The following RAB17 variants were observed in gnomAD, a reference collection of about 807,000 sequenced individuals.
The protein encoded by RAB17 is ras-related protein Rab-17.
A neutral mutation model predicts 19.3 loss-of-function variants in RAB17; 15 were observed. The ratio of observed to expected loss-of-function variants is 0.78; its 90% CI spans 0.52 to 1.20. RAB17 has a LOEUF of 1.20. Among genes scored for constraint, RAB17 ranks in the 50% most tolerant of loss-of-function variants. The probability of loss-of-function intolerance (pLI) is 0.00; values close to 1 mark genes in which losing one functional copy is unlikely to be tolerated. For synonymous variants in RAB17, 110 were observed against 112.8 expected, an observed-to-expected ratio of 0.97 and a Z score of 0.16; for missense variants, 262 against 269.3, an observed-to-expected ratio of 0.97 and a Z score of 0.19.
chr2:237,580,507 G>A (rs112810068), intron 2 of RAB17, among the ~76,000 whole-genome samples: 10,341 of 152,000 alleles, frequency 0.068, 516 homozygotes, highest in South Asian at 0.12. Context: ...TTGGGAGGCC[G>A]AGGTGGGTAG....
Position 237,575,248 on chromosome 2 carries a change from G to A in RAB17, c.530-120C>T, listed in dbSNP as rs1227432384. 2.9e-6 allele frequency: 3 copies of A among 1,030,448 alleles called. No individual in the cohort carries two copies. The East Asian group carries it at 7.7e-5, about 26-fold the overall frequency. 63.8% of individuals were successfully genotyped at this position (1,030,448 alleles called of 1,614,324 possible). On this transcript the variant is annotated intron_variant, in intron 5 of 5. Coordinates refer to ENST00000264601, the MANE Select transcript of RAB17 (RefSeq NM_022449.4). Reference sequence around the variant, plus strand: ...GTGTTTACCCTGAACCATAGAACAAGGGCCTCCTGCCCCTCCTGGTCACCA... The same window carrying A: ...GTGTTTACCCTGAACCATAGAACAAAGGCCTCCTGCCCCTCCTGGTCACCA...
chr2:237,588,873 G>A (rs952127698), intron 1 of RAB17, among the ~76,000 whole-genome samples: 2 of 152,214 alleles, frequency 1.3e-5, no homozygotes, highest in Non-Finnish European at 2.9e-5. Context: ...CATGACCACT[G>A]GGATGCCGGC....
intron 1 of RAB17, among the ~76,000 whole-genome samples, chr2:237,588,488 G>A (rs1158898116): frequency 4.6e-5 from 7 of 152,162 alleles, no homozygotes; most frequent in Admixed American, 6.5e-5. Context: ...CAGATGATCC[G>A]CTCAAGTCAG....
intron 4 of RAB17, among the ~76,000 whole-genome samples, chr2:237,576,372 C>CAA (rs1443737789): frequency 1.3e-5 from 2 of 152,152 alleles, no homozygotes; most frequent in East Asian, 3.9e-4. Flanking sequence ...TGTGCCTGCC[C>CAA]AAGCACACAG....
chr2:237,581,437 T>C (rs182703682), intron 2 of RAB17, among the ~76,000 whole-genome samples: 97 of 152,148 alleles, frequency 6.4e-4, no homozygotes, highest in Non-Finnish European at 7.8e-4. Context: ...ATTTTTTTAG[T>C]AGAGACACGG....
rs991949098 is a variant in RAB17 at position 237,577,935 on chromosome 2, T to C, written c.309+69A>G. 1.1e-5 allele frequency: 16 copies of C among 1,499,806 alleles called. No homozygotes were observed. The East Asian group carries it at 1.6e-4, about 15-fold the overall frequency. 92.9% of individuals were successfully genotyped at this position (1,499,806 alleles called of 1,614,324 possible). A position where few individuals can be genotyped will look rare whatever the true frequency, so the allele number is the denominator to read the frequency against. On this transcript the variant is annotated intron_variant, in intron 3 of 5. Coordinates refer to ENST00000264601, the MANE Select transcript of RAB17 (RefSeq NM_022449.4). ...TCCTTGTGATTACGCCATGGCATCA[T>C]TGCACTGGAGAAACCAGAAGGCAGG...
At chr2:237,575,175 A>C in intron 5 of RAB17, 47 bp from the exon 6 acceptor site, 1 of 1,488,046 alleles carries the variant, frequency 6.7e-7, no homozygotes, top group Non-Finnish European at 9.3e-7. Flanking sequence ...GAAGTCGCCC[A>C]GCCCAGCACA....
chr2:237,576,401 G>A (rs781005160), intron 4 of RAB17, among the ~76,000 whole-genome samples: 28 of 152,134 alleles, frequency 1.8e-4, no homozygotes, highest in Non-Finnish European at 4.0e-4. Context: ...GTCACTCTCA[G>A]AGGGCACAGC....
chr2:237,583,108 A>T (rs2081320585), intron 2 of RAB17, among the ~76,000 whole-genome samples: 1 of 152,186 alleles, frequency 6.6e-6, no homozygotes, highest in Non-Finnish European at 1.5e-5. Flanking sequence ...CTCAAAAAAA[A>T]TAATAATAAA....
At chr2:237,587,026 CCT>C (rs1411532992) in intron 1 of RAB17, among the ~76,000 whole-genome samples, 3 of 152,308 alleles carry the variant, frequency 2.0e-5, no homozygotes, top group Middle Eastern at 3.4e-3. Flanking sequence ...TGATTACACC[CCT>C]GTGTTATTGA....
At chr2:237,589,950 G>T (rs1055687718) in intron 1 of RAB17, among the ~76,000 whole-genome samples, 2 of 152,158 alleles carry the variant, frequency 1.3e-5, no homozygotes, top group African/African-American at 4.8e-5. Context: ...CTTGCCTGGG[G>T]CCTGTGAAGA....
intron 1 of RAB17, among the ~76,000 whole-genome samples, chr2:237,589,278 C>CCCATAACT (rs1185728784): frequency 6.6e-6 from 1 of 151,704 alleles, no homozygotes; most frequent in Non-Finnish European, 1.5e-5. Context: ...GAAGCAGCTA[C>CCCATAACT]CCATAACTCC....
rs370434872 is a variant in RAB17, at chr2:237,575,342, G to A, written c.529+45C>T. Reference sequence around the variant, plus strand: ...ACAGGGACCCAGGGAAGTTGGTCAGGGACAAGCACCTCCCCCTTGTCTGGC... The same window carrying A: ...ACAGGGACCCAGGGAAGTTGGTCAGAGACAAGCACCTCCCCCTTGTCTGGC... On this transcript the variant is annotated intron_variant, in intron 5 of 5. Transcript: ENST00000264601. 4 of 1,495,274 alleles carry A rather than the reference G, an allele frequency of 2.7e-6. No individual in the cohort carries two copies. In the African/African-American group the frequency reaches 4.1e-5, roughly 15 times the overall value. 92.6% of individuals were successfully genotyped at this position (1,495,274 alleles called of 1,614,324 possible). A position where few individuals can be genotyped will look rare whatever the true frequency, so the allele number is the denominator to read the frequency against.
intron 2 of RAB17, among the ~76,000 whole-genome samples, chr2:237,580,608 A>G (rs183944377): frequency 1.7e-4 from 26 of 152,252 alleles, no homozygotes; most frequent in Admixed American, 1.6e-3. Context: ...GTGTGCTGGC[A>G]TGCCCCTGTA....
chr2:237,588,143 T>C (rs73085802), intron 1 of RAB17, among the ~76,000 whole-genome samples: 39,861 of 152,020 alleles, frequency 0.26, 6,910 homozygotes, highest in African/African-American at 0.5. Flanking sequence ...AGTGCAACCA[T>C]GCTAGGAGGT....
chr2:237,582,576 T>C (rs774375635), intron 2 of RAB17, among the ~76,000 whole-genome samples: 38 of 152,200 alleles, frequency 2.5e-4, no homozygotes, highest in Non-Finnish European at 4.1e-4. Flanking sequence ...CCAGGCCGCC[T>C]GTGAGGACAG....
At chr2:237,577,823 A>G in intron 3 of RAB17, 181 bp downstream of exon 3, 1 of 677,814 alleles carries the variant, frequency 1.5e-6, no homozygotes, top group Non-Finnish European at 2.5e-6. Flanking sequence ...ACCACGGAGG[A>G]GCAGAACCCC....
intron 2 of RAB17, chr2:237,579,683 C>T (rs1421231455): frequency 6.6e-6 from 1 of 151,772 alleles, no homozygotes; most frequent in Non-Finnish European, 1.5e-5. Flanking sequence ...GGGGTTAGGA[C>T]TTAATCGCCT....
In RAB17 at chr2:237,575,707, C is replaced by T. The variant is rs146887202; in HGVS notation, c.436-227G>A. On this transcript the variant is annotated intron_variant, in intron 4 of 5. Transcript: ENST00000264601. ...CTTCCTCTAGCTGGCGGGGTGCGGC[C>T]TTCCTCCTCCTGCAGGGCCTGGAAA... 8.7e-3 allele frequency: 4,534 copies of T among 520,210 alleles called. 45 individuals are homozygous for T. Among genetic ancestry groups the T allele is most frequent in the Non-Finnish European group, 0.012 (3,461 of 290,152 alleles). 32.2% of individuals were successfully genotyped at this position (520,210 alleles called of 1,614,324 possible).
Sources: allele counts gnomAD v4.1 joint callset (sites outside exome capture counted in the v4.1 genomes callset), GRCh38; gene constraint gnomAD v4.1.1; transcripts MANE v1.5; gene names NCBI Gene and HGNC (gene_info 2026-07-23, HGNC 2026-07-21).